The following MACF1 variants were observed in gnomAD, a reference collection of about 807,000 sequenced individuals.
MACF1 encodes microtubule-actin cross-linking factor 1.
A neutral mutation model predicts 854.8 loss-of-function variants in MACF1; 193 were observed. That is an observed-to-expected ratio of 0.23 (90% CI 0.20 to 0.25). MACF1 has a LOEUF of 0.25. Among genes scored for constraint, MACF1 ranks in the 10% least tolerant of loss-of-function variants. MACF1 has a pLI of 1.00. For missense variants in MACF1, 7,722 were observed against 8,929.1 expected (o/e 0.86, Z 5.45); for synonymous variants, 3,185 against 3,226.7 (o/e 0.99, Z 0.44).
Position 39,440,915 on chromosome 1 carries a change from A to T in MACF1, c.18448-88A>T, listed in dbSNP as rs1055738266. On this transcript the variant is annotated intron_variant, in intron 72 of 100. Coordinates refer to ENST00000564288, the MANE Select transcript of MACF1 (RefSeq NM_001394062.1). ...CTGACAGTTATGTTGAGCATCTGCT[A>T]TTGATGGGGTATAAATCACATTTGC... is the stretch of plus-strand genomic sequence containing the variant. 2.2e-6 allele frequency: 3 copies of T among 1,344,788 alleles called. No individual in the cohort carries two copies. The Admixed American group carries it at 5.3e-5, about 24-fold the overall frequency. 83.3% of individuals were successfully genotyped at this position (1,344,788 alleles called of 1,614,324 possible). A position where few individuals can be genotyped will look rare whatever the true frequency, so the allele number is the denominator to read the frequency against.
intron 58 of MACF1, chr1:39,413,122 C>T (rs1431401708): frequency 2.5e-6 from 4 of 1,610,122 alleles, no homozygotes; most frequent in Non-Finnish European, 3.4e-6. Flanking sequence ...AGGGTTCTCC[C>T]CAGAGTGGGC....
chr1:39,318,964 CT>C (rs952752784), intron 30 of MACF1, among the ~76,000 whole-genome samples: 56 of 140,846 alleles, frequency 4.0e-4, no homozygotes, highest in African/African-American at 1.2e-3. Flanking sequence ...GAAAATGATT[CT>C]TTTTTTTTTG....
chr1:39,229,032 A>G (rs530738583), intron 1 of MACF1, among the ~76,000 whole-genome samples: 11 of 152,262 alleles, frequency 7.2e-5, no homozygotes, highest in Non-Finnish European at 1.6e-4. Context: ...GACATTTTAT[A>G]GAATTATTAC....
chr1:39,441,435 C>A, intron 74 of MACF1, 110 bp downstream of exon 74: 1 of 810,992 alleles, frequency 1.2e-6, no homozygotes, highest in Non-Finnish European at 2.0e-6. Context: ...GACTGCAGAC[C>A]TAAGATAGTG....
At chr1:39,298,136 A>AG (rs1469563883) in intron 21 of MACF1, among the ~76,000 whole-genome samples, 1 of 150,804 alleles carries the variant, frequency 6.6e-6, no homozygotes, top group Non-Finnish European at 1.5e-5. Context: ...CTCTTATGCA[A>AG]AAAAAAAACC....
intron 30 of MACF1, among the ~76,000 whole-genome samples, chr1:39,319,153 T>G (rs1009245548): frequency 2.6e-5 from 4 of 152,174 alleles, no homozygotes; most frequent in Non-Finnish European, 5.9e-5. Context: ...TCTACTTCCT[T>G]ATCAGTAAAA....
At position 39,269,052 on chromosome 1, in the gene MACF1, G is replaced by T. The variant is rs142546596; in HGVS notation, c.528+11024G>T. ...GAGATTCCAAGGGGAGGTCCAGACC[G>T]CCCACCTTTTGTTAGAGAATGAGTC... On this transcript the variant is annotated intron_variant, in intron 6 of 100. Transcript: ENST00000564288. The T allele has an allele frequency of 1.0e-5, 13 of 1,289,378 alleles. No individual in the cohort carries two copies. The African/African-American group carries it at 1.8e-4, about 18-fold the overall frequency. The allele number at this position is 1,289,378 out of a possible 1,614,324, so 79.9% of individuals were successfully genotyped here.
chr1:39,433,329 A>G (rs1454939476), intron 68 of MACF1, among the ~76,000 whole-genome samples, 174 bp downstream of exon 68: 1 of 152,214 alleles, frequency 6.6e-6, no homozygotes, highest in Non-Finnish European at 1.5e-5. Flanking sequence ...TGTGTCCACA[A>G]ATGTTTAAAA....
chr1:39,104,184 CAG>C (rs547898681), intron 2 of MACF1, among the ~76,000 whole-genome samples: 135 of 152,272 alleles, frequency 8.9e-4, no homozygotes, highest in Non-Finnish European at 1.7e-3. Flanking sequence ...ATCAAGCTAA[CAG>C]GGGAGGATAA....
At chr1:39,434,728 G>A in intron 69 of MACF1, 96 bp downstream of exon 69, 6 of 966,368 alleles carry the variant, frequency 6.2e-6, no homozygotes, top group Non-Finnish European at 9.2e-6. Flanking sequence ...TGCAAGTTCT[G>A]TGTTACGAAG....
chr1:39,344,096 CAA>C (rs1414664771), intron 40 of MACF1, among the ~76,000 whole-genome samples: 1 of 129,050 alleles, frequency 7.7e-6, no homozygotes, highest in South Asian at 2.5e-4. Flanking sequence ...GCCTGGGCAA[CAA>C]GAGGGAAACT....
intron 2 of MACF1, among the ~76,000 whole-genome samples, chr1:39,143,075 G>A (rs1468792029): frequency 6.6e-6 from 1 of 152,166 alleles, no homozygotes; most frequent in East Asian, 1.9e-4. Context: ...ATCTTACACA[G>A]GAGGGCCCAT....
Position 39,258,014 on chromosome 1 carries a change from A to G in MACF1, c.514A>G (p.Ile172Val). 1.2e-6 allele frequency: 2 copies of G among 1,613,910 alleles called. No homozygotes were observed. The highest frequency in any genetic ancestry group is 2.2e-5 in the South Asian group (2 of 91,054). The change falls in exon 6 of 101, where the codon ATT (isoleucine) becomes GTT (valine). Residue 172 changes from isoleucine (I) to valine (V), a missense_variant. By Grantham distance (29) the Ile-to-Val change is conservative. Around this residue, in one of 15 missense-constraint regions of MACF1, gnomAD observed 108 missense variants for 196.4 expected, o/e 0.55. Coordinates refer to ENST00000564288, the MANE Select transcript of MACF1 (RefSeq NM_001394062.1). ...GACCCTGGGTCTGATCTGGACCATT[A>G]TTTTGCATTTCCAGGTAGGGCATGT... ...KLTLGLIWTIILHFQISDIYI... is the reference protein window; with the variant it reads ...KLTLGLIWTIVLHFQISDIYI...
At chr1:39,472,437 A>T (rs1644796130) in intron 97 of MACF1, among the ~76,000 whole-genome samples, 1 of 152,192 alleles carries the variant, frequency 6.6e-6, no homozygotes, top group Admixed American at 6.5e-5. Flanking sequence ...CTCCCATCCC[A>T]GCCTTTTCTA....
At position 39,353,020 on chromosome 1, in the gene MACF1, A is replaced by G. The variant is rs1327203537; in HGVS notation, c.11213A>G (p.Lys3738Arg). Residue 3738 changes from lysine to arginine, a missense_variant, in exon 44 of 101, where the codon AAG becomes AGG. Coordinates refer to ENST00000564288, the MANE Select transcript of MACF1 (RefSeq NM_001394062.1). ...GGTGGCTTTCAGAGTAAAGCAGCAA[A>G]GGAACTGGCAGAGAACAAGAAGAAG... ...QQETEKSKAA[K>R]ELAENKKKID... The G allele has an allele frequency of 1.9e-6, 3 of 1,613,236 alleles. No individual in the cohort carries two copies. The highest frequency in any genetic ancestry group is 2.5e-6 in the Non-Finnish European group (3 of 1,179,320).
chr1:39,217,513 G>A (rs1644591363), intron 1 of MACF1, among the ~76,000 whole-genome samples: 1 of 151,826 alleles, frequency 6.6e-6, no homozygotes, highest in South Asian at 2.1e-4. Flanking sequence ...GACCTCAAGT[G>A]ATCCCTCTCA....
At chr1:39,176,126 A>AAAAAAATAAAAAAAAAAAAAAAAC (rs1398154427) in intron 2 of MACF1, among the ~76,000 whole-genome samples, 1 of 129,400 alleles carries the variant, frequency 7.7e-6, no homozygotes, top group Non-Finnish European at 1.7e-5. Flanking sequence ...AAAAAAAAAA[A>AAAAAAATAAAAAAAAAAAAAAAAC]AGCCAGGTGT....
intron 56 of MACF1, among the ~76,000 whole-genome samples, chr1:39,384,432 T>A (rs1650512537): frequency 6.6e-6 from 1 of 152,198 alleles, no homozygotes; most frequent in African/African-American, 2.4e-5. Flanking sequence ...CCAAAGTAAG[T>A]ACTTTACTGT....
intron 2 of MACF1, among the ~76,000 whole-genome samples, chr1:39,102,244 G>C (rs1557453910): frequency 6.6e-6 from 1 of 151,924 alleles, no homozygotes; most frequent in Non-Finnish European, 1.5e-5. Context: ...AAAGAAAGAC[G>C]AAATAGTTAA....
Sources: gnomAD v4.1 joint callset for allele counts (sites outside exome capture counted in the v4.1 genomes callset) on GRCh38, gnomAD v4.1.1 for gene constraint, gnomAD v4.1.1 regional missense constraint, MANE v1.5 for transcripts, NCBI Gene and HGNC (gene_info 2026-07-23, HGNC 2026-07-21) for gene names.